The following COL14A1 variants were observed in gnomAD, a reference collection of about 807,000 sequenced individuals.
COL14A1 encodes the protein collagen alpha-1(XIV) chain.
Under a neutral mutation model 230.3 loss-of-function variants are expected in COL14A1, and 136 were observed. The observed-to-expected ratio is 0.59, with a 90% CI of 0.51 to 0.68. The LOEUF is 0.68. COL14A1 is among the 30% of genes least tolerant of loss of function. COL14A1 has a pLI of 0.00. For synonymous variants in COL14A1, 792 were observed against 784.1 expected (o/e 1.01, Z -0.17); for missense variants, 1,976 against 2,215.8 (o/e 0.89, Z 2.17).
chr8:120,211,389 CA>C (rs1407476632), intron 12 of COL14A1, among the ~76,000 whole-genome samples: 1 of 151,924 alleles, frequency 6.6e-6, no homozygotes, highest in Non-Finnish European at 1.5e-5. Flanking sequence ...TAACAAGCTG[CA>C]AAAAGATTGT....
intron 5 of COL14A1, among the ~76,000 whole-genome samples, chr8:120,175,757 T>C (rs1816262589): frequency 6.6e-6 from 1 of 152,240 alleles, no homozygotes; most frequent in South Asian, 2.1e-4. Context: ...AGAAAAAGTT[T>C]GCTTATCTTT....
intron 24 of COL14A1, 58 bp downstream of exon 24, chr8:120,263,072 C>T: frequency 6.8e-7 from 1 of 1,481,116 alleles, no homozygotes; most frequent in South Asian, 1.5e-5. Flanking sequence ...GAATTTCAGG[C>T]ATCCTGTTTC....
intron 5 of COL14A1, among the ~76,000 whole-genome samples, chr8:120,189,946 C>T (rs1192863409): frequency 1.3e-5 from 2 of 151,216 alleles, no homozygotes; most frequent in Admixed American, 6.6e-5. Context: ...AATAAACATA[C>T]GTGTGCATGT....
intron 24 of COL14A1, 29 bp downstream of exon 24, chr8:120,263,043 C>T (rs370846286): frequency 1.4e-4 from 221 of 1,549,592 alleles, no homozygotes; most frequent in Non-Finnish European, 1.7e-4. Context: ...CTCCTGATCC[C>T]TCTCCCCATG....
At chr8:120,124,876 A>G (rs1814266357), upstream of COL14A1, among the ~76,000 whole-genome samples, 2 of 152,146 alleles carry the variant, frequency 1.3e-5, no homozygotes, top group Middle Eastern at 3.4e-3. Flanking sequence ...TCGGCGCGCC[A>G]CATCCGGCTG....
chr8:120,202,130 C>A (rs985297306), intron 8 of COL14A1, among the ~76,000 whole-genome samples: 1 of 152,270 alleles, frequency 6.6e-6, no homozygotes, highest in Admixed American at 6.5e-5. Flanking sequence ...TAAAGGAAAT[C>A]TCTGCCAAAG....
intron 5 of COL14A1, among the ~76,000 whole-genome samples, chr8:120,189,599 G>T (rs1816752004): frequency 6.6e-6 from 1 of 150,944 alleles, no homozygotes; most frequent in South Asian, 2.1e-4. Flanking sequence ...TTGTCATCTA[G>T]CATTAGGTAT....
At chr8:120,180,398 C>T (rs1179810052) in intron 5 of COL14A1, among the ~76,000 whole-genome samples, 2 of 152,096 alleles carry the variant, frequency 1.3e-5, no homozygotes, top group African/African-American at 2.4e-5. Flanking sequence ...TAAGATCTAC[C>T]TTTACTGAAA....
intron 10 of COL14A1, among the ~76,000 whole-genome samples, chr8:120,207,527 C>T (rs918998251): frequency 2.0e-5 from 3 of 152,006 alleles, no homozygotes; most frequent in Non-Finnish European, 2.9e-5. Flanking sequence ...TGGAGTTTTC[C>T]GGACATTTGT....
intron 1 of COL14A1, among the ~76,000 whole-genome samples, chr8:120,139,444 T>C (rs1814824262): frequency 6.6e-6 from 1 of 152,154 alleles, no homozygotes; most frequent in African/African-American, 2.4e-5. Flanking sequence ...TTTTGAAAAG[T>C]CTAAACTGGT....
chr8:120,277,395 G>A (rs1287032967), intron 26 of COL14A1: 1 of 152,042 alleles, frequency 6.6e-6, no homozygotes, highest in Non-Finnish European at 1.5e-5. Context: ...TGTCAAATGA[G>A]GTGGCAAAAA....
At chr8:120,357,739 G>C (rs1423687462) in intron 45 of COL14A1, among the ~76,000 whole-genome samples, 1 of 152,128 alleles carries the variant, frequency 6.6e-6, no homozygotes, top group Admixed American at 6.5e-5. Context: ...CTCTTGTGAA[G>C]AGTTGGCTTA....
At chr8:120,236,312 A>G (rs1374099001) in intron 19 of COL14A1, among the ~76,000 whole-genome samples, 1 of 152,178 alleles carries the variant, frequency 6.6e-6, no homozygotes, top group Non-Finnish European at 1.5e-5. Flanking sequence ...TGTTGGGTGC[A>G]TATATATTTA....
At chr8:120,177,459 G>A (rs1246519945) in intron 5 of COL14A1, among the ~76,000 whole-genome samples, 1 of 151,886 alleles carries the variant, frequency 6.6e-6, no homozygotes, top group African/African-American at 2.4e-5. Flanking sequence ...GACCAGCCTG[G>A]CCAACAAGGC....
chr8:120,244,169 T>C (rs1818696863), intron 20 of COL14A1, among the ~76,000 whole-genome samples, 161 bp downstream of exon 20: 1 of 152,244 alleles, frequency 6.6e-6, no homozygotes, highest in Non-Finnish European at 1.5e-5. Context: ...ACACAAGCTA[T>C]GTGACTTTGA....
intron 5 of COL14A1, among the ~76,000 whole-genome samples, chr8:120,170,497 G>T (rs1015898841): frequency 2.6e-5 from 4 of 151,992 alleles, no homozygotes; most frequent in Non-Finnish European, 4.4e-5. Context: ...TGCATTGTGG[G>T]TAGAGAATGG....
At chr8:120,193,678 T>G (rs1455667995) in intron 5 of COL14A1, among the ~76,000 whole-genome samples, 1 of 152,214 alleles carries the variant, frequency 6.6e-6, no homozygotes, top group Non-Finnish European at 1.5e-5. Flanking sequence ...CAGGCAGGCC[T>G]CCTTGAGCTG....
intron 35 of COL14A1, 63 bp from the exon 36 acceptor site, chr8:120,300,669 G>A: frequency 8.2e-7 from 1 of 1,216,584 alleles, no homozygotes; most frequent in South Asian, 1.3e-5. Flanking sequence ...TTTTCTTTGA[G>A]CCAGTAAAGC....
chr8:120,245,871 G>C (rs1415643721), intron 20 of COL14A1, among the ~76,000 whole-genome samples: 1 of 152,152 alleles, frequency 6.6e-6, no homozygotes. Context: ...AGAGTTCCAA[G>C]AGGCATAAAA....
Sources: allele counts gnomAD v4.1 joint callset (sites outside exome capture counted in the v4.1 genomes callset), GRCh38; gene constraint gnomAD v4.1.1; transcripts MANE v1.5; gene names NCBI Gene and HGNC (gene_info 2026-07-23, HGNC 2026-07-21).